CAMTA1: variants seen among roughly 807,000 people sequenced by gnomAD.
CAMTA1 encodes the protein calmodulin binding transcription activator 1, also known as calmodulin-binding transcription activator 1.
Under a neutral mutation model 170.9 loss-of-function variants are expected in CAMTA1, and 27 were observed. That is an observed-to-expected ratio of 0.16 (90% CI 0.12 to 0.22). The LOEUF is 0.22. CAMTA1 is among the 10% of genes least tolerant of loss of function. The probability of loss-of-function intolerance (pLI) is 1.00; values close to 1 mark genes in which losing one functional copy is unlikely to be tolerated. For missense variants in CAMTA1, 1,619 were observed against 2,217.2 expected (o/e 0.73, Z 5.42); for synonymous variants, 833 against 891.5 (o/e 0.93, Z 1.17).
chr1:7,261,236 G>A (rs75920848), intron 5 of CAMTA1, among the ~76,000 whole-genome samples: 2,093 of 152,202 alleles, frequency 0.014, 48 homozygotes, highest in African/African-American at 0.041. Context: ...TTTGTGCGTC[G>A]AGGATGCGTT....
At chr1:7,046,259 A>G (rs1705359327) in intron 3 of CAMTA1, among the ~76,000 whole-genome samples, 1 of 152,258 alleles carries the variant, frequency 6.6e-6, no homozygotes, top group South Asian at 2.1e-4. Context: ...AATGTAGTTA[A>G]GCCCACACTG....
chr1:7,619,446 A>AGAG (rs1558011993), intron 6 of CAMTA1, among the ~76,000 whole-genome samples: 1 of 152,164 alleles, frequency 6.6e-6, no homozygotes, highest in Non-Finnish European at 1.5e-5. Flanking sequence ...ACAAGGAAGA[A>AGAG]GAGTGGGATG....
At chr1:7,263,776 T>C (rs1349164809) in intron 5 of CAMTA1, among the ~76,000 whole-genome samples, 1 of 152,172 alleles carries the variant, frequency 6.6e-6, no homozygotes. Flanking sequence ...ATTCTGTGCT[T>C]AGAATATCAG....
chr1:7,598,448 C>G (rs578164363), intron 6 of CAMTA1, among the ~76,000 whole-genome samples: 1 of 152,274 alleles, frequency 6.6e-6, no homozygotes, highest in East Asian at 1.9e-4. Context: ...TGGGTATATA[C>G]CCAGTAATGG....
chr1:7,639,936 G>A lies in CAMTA1; in HGVS notation c.511-464G>A, dbSNP rs114159596. Among the ~76,000 whole-genome samples, 627 of 152,254 alleles carry A rather than the reference G, an allele frequency of 4.1e-3. 6 individuals carry two copies. The highest frequency in any genetic ancestry group is 0.014 in the African/African-American group (587 of 41,550). On this transcript the variant is annotated intron_variant, in intron 6 of 22. Transcript: ENST00000303635. ...ACCATGCCTGTGTTGGGGGCATCCC[G>A]CAAGCTGTGAGGGGGCAACGCGTGT...
At position 7,664,787 on chromosome 1, in the gene CAMTA1, T is replaced by G. The variant is rs2095987607; in HGVS notation, c.2240T>G (p.Val747Gly). Residue 747 changes from valine to glycine, a missense_variant, in exon 9 of 23, where the codon GTG (valine) becomes GGG (glycine). By Grantham distance (109) the Val-to-Gly change is moderately radical (BLOSUM62 -3). Coordinates refer to ENST00000303635, the MANE Select transcript of CAMTA1 (RefSeq NM_015215.4). ...AACGTGGTGCAGGGACTCTACCCCGTGGCCCAGCCCAGCCTCGGCAACGCC... is the reference window on the plus strand; with the variant it reads ...AACGTGGTGCAGGGACTCTACCCCGGGGCCCAGCCCAGCCTCGGCAACGCC... ...PGNVVQGLYP[V>G]AQPSLGNASN... 6.2e-7 allele frequency: 1 copy of G among 1,612,514 alleles called. No homozygotes were observed. Among genetic ancestry groups the G allele is most frequent in the Non-Finnish European group, 8.5e-7 (1 of 1,179,522 alleles).
At chr1:7,103,056 C>T (rs1642926792) in intron 4 of CAMTA1, among the ~76,000 whole-genome samples, 1 of 151,690 alleles carries the variant, frequency 6.6e-6, no homozygotes, top group Admixed American at 6.6e-5. Flanking sequence ...CAGGGAGAGG[C>T]TGCCCCTCTA....
chr1:7,135,275 C>G (rs142698652), intron 4 of CAMTA1, among the ~76,000 whole-genome samples: 3,145 of 152,210 alleles, frequency 0.021, 94 homozygotes, highest in African/African-American at 0.063. Context: ...GTAATCCCAG[C>G]TACTTAGGAG....
chr1:7,074,470 C>A (rs972166292), intron 3 of CAMTA1, among the ~76,000 whole-genome samples: 6 of 152,194 alleles, frequency 3.9e-5, no homozygotes, highest in Non-Finnish European at 8.8e-5. Context: ...CTACCCAAAT[C>A]CAACTGCTGT....
chr1:7,478,597 T>A (rs2093462206), intron 6 of CAMTA1, among the ~76,000 whole-genome samples: 1 of 152,248 alleles, frequency 6.6e-6, no homozygotes, highest in Admixed American at 6.5e-5. Context: ...TGTCAGTCTC[T>A]TAATCCTTCC....
chr1:7,277,650 GA>G (rs1373286975), intron 5 of CAMTA1, among the ~76,000 whole-genome samples: 1 of 151,988 alleles, frequency 6.6e-6, no homozygotes, highest in Non-Finnish European at 1.5e-5. Flanking sequence ...TTTATGGTTT[GA>G]AAATGAATTT....
chr1:7,283,719 A>G (rs1461152945), intron 5 of CAMTA1, among the ~76,000 whole-genome samples: 2 of 152,190 alleles, frequency 1.3e-5, no homozygotes, highest in Admixed American at 6.5e-5. Flanking sequence ...CCTTGTCCAA[A>G]TAAACTCCAT....
At chr1:7,118,628 T>A (rs1411298445) in intron 4 of CAMTA1, among the ~76,000 whole-genome samples, 1 of 151,912 alleles carries the variant, frequency 6.6e-6, no homozygotes, top group Non-Finnish European at 1.5e-5. Context: ...GTTTTTGGAG[T>A]CAGAAATGTT....
Position 7,398,154 on chromosome 1 carries a change from G to GCTCTCTCT in CAMTA1, c.439-69643_439-69636dup, listed in dbSNP as rs371668581. On this transcript the variant is annotated intron_variant, in intron 5 of 22. Transcript: ENST00000303635. ...TTCAGAAGTTAGATATAATAATATT[G>GCTCTCTCT]CTCTCTCTCTCTCTCTCTCTCTCTC... 2.8e-3 allele frequency among the ~76,000 whole-genome samples: 74 copies of GCTCTCTCT among 26,228 alleles called. 3 individuals carry two copies. Among genetic ancestry groups the GCTCTCTCT allele is most frequent in the South Asian group, 4.0e-3 (2 of 506 alleles). 17.2% of individuals were successfully genotyped at this position (26,228 alleles called of 152,430 possible).
chr1:7,139,787 C>T (rs547681423), intron 4 of CAMTA1, among the ~76,000 whole-genome samples: 1 of 152,254 alleles, frequency 6.6e-6, no homozygotes, highest in African/African-American at 2.4e-5. Flanking sequence ...ATGAGCTTCT[C>T]TTCTGTTTTC....
chr1:7,749,158 A>G (rs2096877736), intron 19 of CAMTA1, among the ~76,000 whole-genome samples: 1 of 152,214 alleles, frequency 6.6e-6, no homozygotes, highest in Non-Finnish European at 1.5e-5. Context: ...AGGTAGTTAT[A>G]AATTTTTATT....
At chr1:7,711,002 G>A (rs574358773) in intron 11 of CAMTA1, among the ~76,000 whole-genome samples, 5 of 152,244 alleles carry the variant, frequency 3.3e-5, no homozygotes, top group South Asian at 4.1e-4. Context: ...TGGGCTCTGC[G>A]CCACCTAAAC....
chr1:7,347,646 G>T (rs1288662720), intron 5 of CAMTA1, among the ~76,000 whole-genome samples: 2 of 152,132 alleles, frequency 1.3e-5, no homozygotes, highest in East Asian at 3.9e-4. Flanking sequence ...ATGTGGGCAG[G>T]TGGGTTCCTT....
intron 4 of CAMTA1, among the ~76,000 whole-genome samples, chr1:7,126,985 G>A (rs1379697167): frequency 6.6e-6 from 1 of 152,058 alleles, no homozygotes; most frequent in Non-Finnish European, 1.5e-5. Context: ...TAGCCAGGAT[G>A]GTCTTGATCT....
Sources: gnomAD v4.1 joint callset for allele counts (sites outside exome capture counted in the v4.1 genomes callset) on GRCh38, gnomAD v4.1.1 for gene constraint, MANE v1.5 for transcripts, NCBI Gene and HGNC (gene_info 2026-07-23, HGNC 2026-07-21) for gene names.